Variants in LYPD6 observed in about 807,000 individuals in gnomAD.
The protein encoded by LYPD6 is LY6/PLAUR domain containing 6.
A neutral mutation model predicts 22.7 loss-of-function variants in LYPD6; 15 were observed. The observed-to-expected ratio is 0.66, with a 90% CI of 0.44 to 1.02. The LOEUF (loss-of-function observed/expected upper bound fraction) is 1.02, where lower values mean the gene tolerates loss of function less well. Ranked by LOEUF, LYPD6 falls within the 50% of genes least tolerant of loss-of-function variation. The pLI is 0.00. For synonymous variants in LYPD6, 72 were observed against 77.5 expected, an observed-to-expected ratio of 0.93 and a Z score of 0.37; for missense variants, 189 against 208.4, an observed-to-expected ratio of 0.91 and a Z score of 0.57.
intron 1 of LYPD6, among the ~76,000 whole-genome samples, chr2:149,389,537 A>G (rs1010270256): frequency 1.3e-5 from 2 of 152,144 alleles, no homozygotes; most frequent in Non-Finnish European, 2.9e-5. Flanking sequence ...GGCCTGAGGG[A>G]ACATCTGTGG....
downstream of LYPD6, among the ~76,000 whole-genome samples, chr2:149,479,039 C>G (rs1196673): frequency 0.68 from 102,979 of 151,992 alleles, 37,225 homozygotes; most frequent in East Asian, 0.86. Flanking sequence ...ACTCTTTATA[C>G]CAGTCCAGTC....
At chr2:149,435,274 G>A (rs958002490) in intron 1 of LYPD6, among the ~76,000 whole-genome samples, 11 of 152,126 alleles carry the variant, frequency 7.2e-5, no homozygotes, top group Non-Finnish European at 8.8e-5. Flanking sequence ...ATTTTGTTAC[G>A]GCAGCCTGGG....
At chr2:149,439,035 C>T (rs187854939) in intron 2 of LYPD6, among the ~76,000 whole-genome samples, 74 of 152,268 alleles carry the variant, frequency 4.9e-4, no homozygotes, top group Admixed American at 4.5e-3. Context: ...AATACATACT[C>T]GTTAGCATTA....
intron 2 of LYPD6, among the ~76,000 whole-genome samples, chr2:149,438,130 A>G (rs896334244): frequency 6.6e-6 from 1 of 152,220 alleles, no homozygotes; most frequent in Non-Finnish European, 1.5e-5. Context: ...GTGAACCACC[A>G]TATCCCAGAA....
At chr2:149,454,438 G>A (rs1035312555) in intron 3 of LYPD6, among the ~76,000 whole-genome samples, 1 of 152,138 alleles carries the variant, frequency 6.6e-6, no homozygotes, top group African/African-American at 2.4e-5. Flanking sequence ...GAGCAACAAA[G>A]TCATGTTTTC....
chr2:149,410,740 G>A (rs933578774), intron 1 of LYPD6, among the ~76,000 whole-genome samples: 1 of 152,142 alleles, frequency 6.6e-6, no homozygotes, highest in African/African-American at 2.4e-5. Flanking sequence ...TTGTTCATGC[G>A]AGTCAGTATT....
In LYPD6 at chr2:149,471,309, C is replaced by T. The variant is rs1328036305; in HGVS notation, c.*459C>T. ...TAGCTTTAGAATTTTAAAACATTGA[C>T]TCCAAACTGAATGGACTATTTCCTT... On this transcript the variant is annotated 3_prime_UTR_variant, in exon 5 of 5. Coordinates refer to ENST00000334166, the MANE Select transcript of LYPD6 (RefSeq NM_194317.5). The T allele has an allele frequency of 6.6e-6, 1 of 152,516 alleles. No individual in the cohort carries two copies. The highest frequency in any genetic ancestry group is 1.5e-5 in the Non-Finnish European group (1 of 68,356). The allele number at this position is 152,516 out of a possible 1,614,324, so 9.4% of individuals were successfully genotyped here.
At chr2:149,464,124 A>C (rs1421011264) in intron 3 of LYPD6, 1 of 422,888 alleles carries the variant, frequency 2.4e-6, no homozygotes, top group South Asian at 1.8e-5. Context: ...AAAAAAAAAA[A>C]AAACAGTTTA....
chr2:149,336,636 A>G (rs1001112957), intron 1 of LYPD6, among the ~76,000 whole-genome samples: 2 of 152,220 alleles, frequency 1.3e-5, no homozygotes, highest in African/African-American at 2.4e-5. Flanking sequence ...AAAGAAATAC[A>G]TCAAAATATT....
At position 149,360,410 on chromosome 2, in the gene LYPD6, G is replaced by A. The variant is rs544728178; in HGVS notation, c.-72+29688G>A. Among the ~76,000 whole-genome samples the A allele has an allele frequency of 8.5e-4, 130 of 152,310 alleles. 1 individual carries two copies. The highest frequency in any genetic ancestry group is 1.3e-3 in the Non-Finnish European group (90 of 68,030). ...AGCCCCTATTCAAGATGGAGTTGCT[G>A]TGGTTCAAATGCCTCTGACACCTCA... is the stretch of plus-strand genomic sequence containing the variant. On this transcript the variant is annotated intron_variant, in intron 1 of 4. Coordinates refer to ENST00000334166, the MANE Select transcript of LYPD6 (RefSeq NM_194317.5).
At position 149,401,358 on chromosome 2, in the gene LYPD6, T is replaced by C. The variant is rs867492999; in HGVS notation, c.-71-36280T>C. ...TTTTCTATTCATAATGAAGAAGGAG[T>C]GATTGGATTTGGGATATGTAAGCAG... On this transcript the variant is annotated intron_variant, in intron 1 of 4. Coordinates refer to ENST00000334166, the MANE Select transcript of LYPD6 (RefSeq NM_194317.5). Among the ~76,000 whole-genome samples, 4 of 151,694 alleles carry C rather than the reference T, an allele frequency of 2.6e-5. No homozygotes were observed. In the South Asian group the frequency reaches 6.2e-4, roughly 24 times the overall value.
intron 1 of LYPD6, among the ~76,000 whole-genome samples, chr2:149,362,902 G>A (rs1288591984): frequency 6.6e-6 from 1 of 152,126 alleles, no homozygotes; most frequent in Non-Finnish European, 1.5e-5. Context: ...CAAAACAGTG[G>A]CGCTTCATCT....
At chr2:149,364,579 C>T (rs1414052525) in intron 1 of LYPD6, among the ~76,000 whole-genome samples, 3 of 148,076 alleles carry the variant, frequency 2.0e-5, no homozygotes, top group African/African-American at 7.5e-5. Flanking sequence ...CAAAGTCAAG[C>T]TATCCTGATT....
intron 1 of LYPD6, among the ~76,000 whole-genome samples, chr2:149,384,253 C>T (rs966507643): frequency 1.3e-5 from 2 of 152,164 alleles, no homozygotes; most frequent in Non-Finnish European, 2.9e-5. Flanking sequence ...AGGGTTCAGT[C>T]GTATGCATTG....
chr2:149,462,752 A>G (rs781693778), intron 3 of LYPD6, among the ~76,000 whole-genome samples: 1 of 152,074 alleles, frequency 6.6e-6, no homozygotes. Flanking sequence ...CCTTAAAAAT[A>G]TGCCCATCTA....
intron 1 of LYPD6, among the ~76,000 whole-genome samples, chr2:149,407,049 T>C (rs1472512982): frequency 3.9e-5 from 6 of 152,138 alleles, no homozygotes; most frequent in African/African-American, 1.2e-4. Context: ...TTAAGAATGT[T>C]GAATATTGGC....
At chr2:149,338,158 G>A (rs1210105644) in intron 1 of LYPD6, among the ~76,000 whole-genome samples, 1 of 152,126 alleles carries the variant, frequency 6.6e-6, no homozygotes, top group African/African-American at 2.4e-5. Flanking sequence ...GTATTCCTTT[G>A]GGTATATACC....
intron 1 of LYPD6, among the ~76,000 whole-genome samples, chr2:149,419,138 A>G (rs1162030625): frequency 6.6e-6 from 1 of 152,242 alleles, no homozygotes; most frequent in Non-Finnish European, 1.5e-5. Flanking sequence ...TTCAGCCATC[A>G]ACTACAAAAG....
intron 1 of LYPD6, among the ~76,000 whole-genome samples, chr2:149,352,683 G>T (rs531649030): frequency 1.8e-4 from 27 of 152,312 alleles, no homozygotes; most frequent in African/African-American, 6.3e-4. Context: ...GGTTGGTTTT[G>T]CACTACAATG....
Sources: gnomAD v4.1 joint callset for allele counts (sites outside exome capture counted in the v4.1 genomes callset) on GRCh38, gnomAD v4.1.1 for gene constraint, MANE v1.5 for transcripts, NCBI Gene and HGNC (gene_info 2026-07-23, HGNC 2026-07-21) for gene names.